MAP3K2: variants seen among roughly 807,000 people sequenced by gnomAD.
MAP3K2 encodes MAP/ERK kinase kinase 2.
In MAP3K2, 24 loss-of-function variants were observed where a neutral mutation model predicts 80.3. The ratio of observed to expected loss-of-function variants is 0.30; its 90% CI spans 0.22 to 0.42. The LOEUF (loss-of-function observed/expected upper bound fraction) is 0.42, where lower values mean the gene tolerates loss of function less well. Among genes scored for constraint, MAP3K2 ranks in the 10% least tolerant of loss-of-function variants. MAP3K2 has a pLI of 1.00. For synonymous variants in MAP3K2, 244 were observed against 253.7 expected, an observed-to-expected ratio of 0.96 and a Z score of 0.36; for missense variants, 608 against 750.1, an observed-to-expected ratio of 0.81 and a Z score of 2.21.
intron 1 of MAP3K2, among the ~76,000 whole-genome samples, chr2:127,353,671 G>A (rs1282162840): frequency 2.0e-5 from 3 of 150,652 alleles, no homozygotes; most frequent in Non-Finnish European, 4.4e-5. Context: ...GGTGAGGGGC[G>A]CCTCTGCCCG....
Position 127,310,484 on chromosome 2 carries a change from A to G in MAP3K2, c.1457-1722T>C, listed in dbSNP as rs940385568. On this transcript the variant is annotated intron_variant, in intron 15 of 16. Transcript: ENST00000682094. This position sits in a 1 kb window ranked among gnomAD's most constrained non-coding sequence, Gnocchi z 4.8. Reference sequence around the variant, plus strand: ...GGCAACGTGGTGAGACACCATCTCTACAAAAAAATACAAAAAAATTAGCTG... The same window carrying G: ...GGCAACGTGGTGAGACACCATCTCTGCAAAAAAATACAAAAAAATTAGCTG... Among the ~76,000 whole-genome samples the G allele has an allele frequency of 2.0e-5, 3 of 152,144 alleles. No individual in the cohort carries two copies. The highest frequency in any genetic ancestry group is 2.1e-4 in the South Asian group (1 of 4,820).
Position 127,318,309 on chromosome 2 carries a change from C to G in MAP3K2, c.1054G>C (p.Ala352Pro). 6.3e-7 allele frequency: 1 copy of G among 1,586,200 alleles called. No individual in the cohort carries two copies. ...TTGCCCAATCTCCAGTTGGTCGGAG[C>G]TCGAGGTGCTGAAAAAGAACACTTT... ...DISPPSRSPR[A>P]PTNWRLGKLL... is the part of the protein sequence containing the mutation. Residue 352 changes from alanine to proline, a missense_variant, in exon 13 of 17, where the codon GCT (alanine) becomes CCT (proline). By Grantham distance (27) the Ala-to-Pro change is conservative. Around this residue, in one of 4 missense-constraint regions of MAP3K2, gnomAD observed 467 missense variants for 521.9 expected, o/e 0.89. Transcript: ENST00000682094.
At chr2:127,329,562 G>A (rs1315565936) in intron 7 of MAP3K2, among the ~76,000 whole-genome samples, 1 of 152,068 alleles carries the variant, frequency 6.6e-6, no homozygotes, top group Non-Finnish European at 1.5e-5. Context: ...TCACCATGTT[G>A]GCTAGGATGG....
At chr2:127,324,916 T>G (rs1219873576) in intron 9 of MAP3K2, among the ~76,000 whole-genome samples, 1 of 152,168 alleles carries the variant, frequency 6.6e-6, no homozygotes, top group Non-Finnish European at 1.5e-5. Flanking sequence ...CCTGAACAGC[T>G]TTTTCACAAA....
intron 1 of MAP3K2, among the ~76,000 whole-genome samples, chr2:127,377,699 T>C (rs1484970235): frequency 6.6e-6 from 1 of 152,214 alleles, no homozygotes; most frequent in Non-Finnish European, 1.5e-5. Flanking sequence ...AATCAAATAT[T>C]ATCTCTGCTT....
intron 5 of MAP3K2, among the ~76,000 whole-genome samples, chr2:127,334,864 G>A (rs1175338274): frequency 1.3e-5 from 2 of 149,632 alleles, no homozygotes; most frequent in South Asian, 4.2e-4. Flanking sequence ...TCTGCCTCCC[G>A]GGTTCAAGCG....
At chr2:127,371,243 G>A (rs1159410320) in intron 1 of MAP3K2, among the ~76,000 whole-genome samples, 1 of 152,158 alleles carries the variant, frequency 6.6e-6, no homozygotes, top group Non-Finnish European at 1.5e-5. Flanking sequence ...AGAATACGAT[G>A]AGTTGTGCGA....
chr2:127,347,779 C>A (rs556352200), intron 1 of MAP3K2, among the ~76,000 whole-genome samples: 1 of 152,178 alleles, frequency 6.6e-6, no homozygotes, highest in Non-Finnish European at 1.5e-5. Flanking sequence ...TGAATAGCCA[C>A]AACAATACTG....
chr2:127,359,131 C>A (rs1420641203), intron 1 of MAP3K2, among the ~76,000 whole-genome samples: 1 of 152,036 alleles, frequency 6.6e-6, no homozygotes, highest in African/African-American at 2.4e-5. Context: ...CATCACTATA[C>A]TATACAACAC....
At chr2:127,365,545 T>C (rs1686958714) in intron 1 of MAP3K2, among the ~76,000 whole-genome samples, 1 of 152,188 alleles carries the variant, frequency 6.6e-6, no homozygotes, top group Non-Finnish European at 1.5e-5. Context: ...GCAGCTCTCC[T>C]CTGCTCTGTA....
At chr2:127,350,918 A>G (rs943056652) in intron 1 of MAP3K2, among the ~76,000 whole-genome samples, 9 of 152,176 alleles carry the variant, frequency 5.9e-5, no homozygotes, top group Non-Finnish European at 1.2e-4. Context: ...GCCAACTGGT[A>G]AGGTAACACT....
At position 127,321,582 on chromosome 2, in the gene MAP3K2, T is replaced by G. The variant is rs554783987; in HGVS notation, c.1045+464A>C. 6.6e-6 allele frequency among the ~76,000 whole-genome samples: 1 copy of G among 152,356 alleles called. No individual in the cohort carries two copies. The highest frequency in any genetic ancestry group is 2.4e-5 in the African/African-American group (1 of 41,586). On this transcript the variant is annotated intron_variant, in intron 12 of 16. Transcript: ENST00000682094. The surrounding 1 kb of genome is among the most constrained non-coding windows in gnomAD (Gnocchi z 4.4). Reference sequence around the variant, plus strand: ...GTAGGCCTATTCCCACTATTTCAAGTAAGATACTCCCACATCAGCCAAAAA... The same window carrying G: ...GTAGGCCTATTCCCACTATTTCAAGGAAGATACTCCCACATCAGCCAAAAA...
chr2:127,316,556 A>T (rs1390795405), intron 14 of MAP3K2, among the ~76,000 whole-genome samples: 1 of 152,224 alleles, frequency 6.6e-6, no homozygotes, highest in African/African-American at 2.4e-5. Flanking sequence ...TGCTAAAAAC[A>T]TTAGGTGGAT....
In MAP3K2 at chr2:127,301,008, G is replaced by T. The variant is rs1282900614; in HGVS notation, c.*6571C>A. On this transcript the variant is annotated 3_prime_UTR_variant, in exon 17 of 17. Coordinates refer to ENST00000682094, the MANE Select transcript of MAP3K2 (RefSeq NM_001371910.2). Reference sequence around the variant, plus strand: ...TAAATTCTAAAAAAATATTTAAAAAGAAGTGAACTTAAAAGTGCTTTTCGG... The same window carrying T: ...TAAATTCTAAAAAAATATTTAAAAATAAGTGAACTTAAAAGTGCTTTTCGG... 6.6e-6 allele frequency: 1 copy of T among 152,164 alleles called. No homozygotes were observed. Among genetic ancestry groups the T allele is most frequent in the Non-Finnish European group, 1.5e-5 (1 of 68,000 alleles). 9.4% of individuals were successfully genotyped at this position (152,164 alleles called of 1,614,324 possible).
chr2:127,321,461 A>G lies in MAP3K2; in HGVS notation c.1045+585T>C, dbSNP rs1444139167. ...ACAAAAAGGAATTCAGAGTATGCAA[A>G]TAGTGCTGCAATAAACATCTTTGAA... On this transcript the variant is annotated intron_variant, in intron 12 of 16. Coordinates refer to ENST00000682094, the MANE Select transcript of MAP3K2 (RefSeq NM_001371910.2). The surrounding 1 kb of genome is among the most constrained non-coding windows in gnomAD (Gnocchi z 4.4). 2.0e-5 allele frequency among the ~76,000 whole-genome samples: 3 copies of G among 152,258 alleles called. No homozygotes were observed. The East Asian group carries it at 5.8e-4, about 29-fold the overall frequency.
At position 127,306,789 on chromosome 2, in the gene MAP3K2, T is replaced by A. The variant is rs72845960; in HGVS notation, c.*790A>T. On this transcript the variant is annotated 3_prime_UTR_variant, in exon 17 of 17. Coordinates refer to ENST00000682094, the MANE Select transcript of MAP3K2 (RefSeq NM_001371910.2). This position sits in a 1 kb window ranked among gnomAD's most constrained non-coding sequence, Gnocchi z 4.7. ...CTGCTCACACATTTGATAAGAGTGA[T>A]GTCCTTTTGTCTTTTATTTCTATTT... 4,885 of 152,544 alleles carry A rather than the reference T, an allele frequency of 0.032. 121 individuals are homozygous for A. Among genetic ancestry groups the A allele is most frequent in the Middle Eastern group, 0.061 (18 of 294 alleles). 9.4% of individuals were successfully genotyped at this position (152,544 alleles called of 1,614,324 possible).
At chr2:127,324,585 A>G (rs1375372386) in intron 9 of MAP3K2, among the ~76,000 whole-genome samples, 1 of 151,658 alleles carries the variant, frequency 6.6e-6, no homozygotes, top group Non-Finnish European at 1.5e-5. Flanking sequence ...ATTTCCAACT[A>G]TTCAAGTGTA....
chr2:127,308,767 AAAT>A lies in MAP3K2; in HGVS notation c.1457-8_1457-6del, dbSNP rs1452418710. 11 of 1,610,948 alleles carry A rather than the reference AAAT, an allele frequency of 6.8e-6. No homozygotes were observed. In the African/African-American group the frequency reaches 1.2e-4, roughly 18 times the overall value. On this transcript the variant is annotated splice_polypyrimidine_tract_variant and splice_region_variant and intron_variant, in intron 15 of 16. Transcript: ENST00000682094. Reference sequence around the variant, plus strand: ...AATCTCGCAGGATATTTGCGCCTAAAAATAAGACATTGCCTCATTTCATTAATT... The same window carrying A: ...AATCTCGCAGGATATTTGCGCCTAAAAAGACATTGCCTCATTTCATTAATT...
chr2:127,347,476 T>C (rs760757526), intron 1 of MAP3K2, among the ~76,000 whole-genome samples: 2 of 152,008 alleles, frequency 1.3e-5, no homozygotes, highest in Non-Finnish European at 2.9e-5. Context: ...AAGAAATCAA[T>C]TTCATTTACA....
Sources: gnomAD v4.1 joint callset for allele counts (sites outside exome capture counted in the v4.1 genomes callset) on GRCh38, gnomAD v4.1.1 for gene constraint, gnomAD v4.1.1 regional missense constraint, Gnocchi (gnomAD v3.1) non-coding constraint, MANE v1.5 for transcripts, NCBI Gene and HGNC (gene_info 2026-07-23, HGNC 2026-07-21) for gene names.